CHL1: variants seen among roughly 807,000 people sequenced by gnomAD.
CHL1 encodes cell adhesion molecule L1 like.
CHL1 carries 96 observed loss-of-function variants against 141.9 expected under a neutral mutation model. That is an observed-to-expected ratio of 0.68 (90% CI 0.57 to 0.80). The LOEUF (loss-of-function observed/expected upper bound fraction) is 0.80, where lower values mean the gene tolerates loss of function less well. Among genes scored for constraint, CHL1 ranks in the 30% least tolerant of loss-of-function variants. The probability of loss-of-function intolerance (pLI) is 0.00; values close to 1 mark genes in which losing one functional copy is unlikely to be tolerated. For missense variants in CHL1, 1,820 were observed against 1,457.2 expected, an observed-to-expected ratio of 1.25 and a Z score of -4.05; for synonymous variants, 613 against 502.2, an observed-to-expected ratio of 1.22 and a Z score of -2.95.
intron 2 of CHL1, among the ~76,000 whole-genome samples, chr3:286,220 G>C (rs182660727): frequency 6.6e-6 from 1 of 151,972 alleles, no homozygotes; most frequent in Non-Finnish European, 1.5e-5. Flanking sequence ...TTTGTTATTC[G>C]CAGGGGGTCC....
At chr3:405,022 G>T (rs1300257926) in intron 27 of CHL1, among the ~76,000 whole-genome samples, 1 of 152,116 alleles carries the variant, frequency 6.6e-6, no homozygotes, top group Non-Finnish European at 1.5e-5. Context: ...GCAGCTCTCT[G>T]GGGCCTCTTC....
At chr3:237,938 T>A (rs1457875339) in intron 1 of CHL1, among the ~76,000 whole-genome samples, 1 of 152,212 alleles carries the variant, frequency 6.6e-6, no homozygotes, top group Non-Finnish European at 1.5e-5. Context: ...AAGTTGAACA[T>A]CTTCACATTG....
At chr3:358,599 A>G (rs986813140) in intron 11 of CHL1, among the ~76,000 whole-genome samples, 3 of 152,098 alleles carry the variant, frequency 2.0e-5, no homozygotes, top group Non-Finnish European at 2.9e-5. Context: ...AGTCATTCCA[A>G]TAAGTATTTA....
chr3:407,656 C>T lies in CHL1; in HGVS notation c.*1945C>T, dbSNP rs1226813425. On this transcript the variant is annotated 3_prime_UTR_variant, in exon 28 of 28. Transcript: ENST00000256509. ...TGTGGTGCACAGCTTGTGAGGAGGG[C>T]AAGGTTGTGACGTTCGAGCTTAGTT... 1 of 152,086 alleles carries T rather than the reference C, an allele frequency of 6.6e-6. No homozygotes were observed. Among genetic ancestry groups the T allele is most frequent in the Non-Finnish European group, 1.5e-5 (1 of 68,020 alleles). The allele number at this position is 152,086 out of a possible 1,614,324, so 9.4% of individuals were successfully genotyped here.
At chr3:221,214 G>A (rs1700812174) in intron 1 of CHL1, among the ~76,000 whole-genome samples, 1 of 152,168 alleles carries the variant, frequency 6.6e-6, no homozygotes, top group South Asian at 2.1e-4. Context: ...ACCACCTTGG[G>A]CACGTGTTCT....
chr3:241,066 T>C (rs1435005576), intron 1 of CHL1, among the ~76,000 whole-genome samples: 1 of 152,196 alleles, frequency 6.6e-6, no homozygotes, highest in Non-Finnish European at 1.5e-5. Context: ...ACAACTAATA[T>C]ATGCCCTTAT....
chr3:344,475 A>ACACG, intron 8 of CHL1, 114 bp from the exon 9 acceptor site: 1 of 696,910 alleles, frequency 1.4e-6, no homozygotes, highest in Non-Finnish European at 2.4e-6. Context: ...GAACACACAC[A>ACACG]CACACACACA....
At chr3:366,681 T>C (rs1364130487) in intron 15 of CHL1, among the ~76,000 whole-genome samples, 1 of 145,258 alleles carries the variant, frequency 6.9e-6, no homozygotes, top group Non-Finnish European at 1.5e-5. Context: ...GCTTGGATGG[T>C]TGCAAAAAAA....
chr3:298,423 A>T (rs1436163112), intron 2 of CHL1, among the ~76,000 whole-genome samples: 1 of 152,148 alleles, frequency 6.6e-6, no homozygotes, highest in Non-Finnish European at 1.5e-5. Context: ...ACCCACAGGA[A>T]ATCTCTAGGT....
intron 23 of CHL1, among the ~76,000 whole-genome samples, chr3:392,392 A>G (rs1464880387): frequency 2.6e-5 from 4 of 152,226 alleles, no homozygotes; most frequent in Admixed American, 6.5e-5. Flanking sequence ...TGATATTGCA[A>G]GGACTAAATA....
intron 2 of CHL1, among the ~76,000 whole-genome samples, chr3:262,616 G>A (rs1444144356): frequency 6.6e-6 from 1 of 152,166 alleles, no homozygotes; most frequent in Non-Finnish European, 1.5e-5. Context: ...AAGGGATGAG[G>A]TATCAGGAGA....
intron 1 of CHL1, among the ~76,000 whole-genome samples, chr3:220,888 T>G (rs1574746276): frequency 6.6e-6 from 1 of 152,154 alleles, no homozygotes; most frequent in African/African-American, 2.4e-5. Flanking sequence ...AACCCACACC[T>G]TCGAAAGTCT....
chr3:399,146 C>A lies in CHL1; in HGVS notation c.3383C>A (p.Ser1128Ter). 6.2e-7 allele frequency: 1 copy of A among 1,608,392 alleles called. No individual in the cohort carries two copies. Among genetic ancestry groups the A allele is most frequent in the Non-Finnish European group, 8.5e-7 (1 of 1,175,326 alleles). The change falls in exon 26 of 28, where the codon TCA (serine) becomes TAA (stop). Residue 1128 changes from serine (S) to a stop codon, truncating the protein, a stop_gained and splice_region_variant. Coordinates refer to ENST00000256509, the MANE Select transcript of CHL1 (RefSeq NM_006614.4). LOFTEE classifies it high-confidence loss of function. ...FVKRNRGGKY[S>*]VKEKEDLHPD... ...AAGAGGAATAGAGGTGGAAAGTACT[C>A]AGGTAAAATTGTTTCTTAATGTGAT...
At chr3:379,547 C>G (rs553958425) in intron 16 of CHL1, among the ~76,000 whole-genome samples, 4 of 152,268 alleles carry the variant, frequency 2.6e-5, no homozygotes, top group Admixed American at 2.6e-4. Flanking sequence ...TGCGCTTTGT[C>G]CCTAAGTATT....
rs535500161 is a variant in CHL1, at chr3:224,388, G to A, written c.-174-20225G>A. Among the ~76,000 whole-genome samples the A allele has an allele frequency of 1.6e-4, 24 of 152,246 alleles. No homozygotes were observed. In the South Asian group the frequency reaches 4.6e-3, roughly 29 times the overall value. ...TCTCCGCCAAATCTAATGTTGAAAT[G>A]TAATCCCCAGTGTTCGAGATTAGGC... On this transcript the variant is annotated intron_variant, in intron 1 of 27. Coordinates refer to ENST00000256509, the MANE Select transcript of CHL1 (RefSeq NM_006614.4).
intron 1 of CHL1, among the ~76,000 whole-genome samples, chr3:198,487 A>G (rs1380781723): frequency 3.3e-5 from 5 of 152,194 alleles, no homozygotes; most frequent in Non-Finnish European, 7.4e-5. Context: ...CAGCTCCACC[A>G]TCACTGTGAT....
At chr3:288,112 T>A (rs990940394) in intron 2 of CHL1, among the ~76,000 whole-genome samples, 20 of 152,270 alleles carry the variant, frequency 1.3e-4, no homozygotes, top group African/African-American at 4.8e-4. Flanking sequence ...TGGATTCTGA[T>A]TGAAATATGT....
intron 2 of CHL1, among the ~76,000 whole-genome samples, chr3:317,861 C>G (rs999795283): frequency 6.6e-6 from 1 of 151,872 alleles, no homozygotes; most frequent in Non-Finnish European, 1.5e-5. Flanking sequence ...TAGGATAACT[C>G]ATTTCATCAG....
intron 1 of CHL1, chr3:197,877 T>TG (rs1321675504): frequency 4.6e-6 from 2 of 438,070 alleles, no homozygotes; most frequent in Admixed American, 5.3e-5. Context: ...TCTCGCTTTT[T>TG]TTTTTTTTTT....
Sources: allele counts gnomAD v4.1 joint callset (sites outside exome capture counted in the v4.1 genomes callset), GRCh38; gene constraint gnomAD v4.1.1; transcripts MANE v1.5; gene names NCBI Gene and HGNC (gene_info 2026-07-23, HGNC 2026-07-21).